PCDH7: variants seen among roughly 807,000 people sequenced by gnomAD.
PCDH7 encodes protocadherin-7.
PCDH7 carries 17 observed loss-of-function variants against 58.9 expected under a neutral mutation model. The ratio of observed to expected loss-of-function variants is 0.29; its 90% confidence interval spans 0.20 to 0.43. PCDH7 has a LOEUF of 0.43. PCDH7 is among the 20% of genes least tolerant of loss of function. The pLI is 1.00. For missense variants in PCDH7, 1,274 were observed against 1,441.0 expected (o/e 0.88, Z 1.88); for synonymous variants, 664 against 616.4 (o/e 1.08, Z -1.14).
At chr4:30,874,245 C>A (rs1438590510) in intron 1 of PCDH7, among the ~76,000 whole-genome samples, 1 of 151,856 alleles carries the variant, frequency 6.6e-6, no homozygotes, top group Non-Finnish European at 1.5e-5. Context: ...CACATGCACA[C>A]GTATGTTTAT....
intron 2 of PCDH7, among the ~76,000 whole-genome samples, chr4:30,927,881 T>C (rs1202891869): frequency 6.6e-6 from 1 of 152,196 alleles, no homozygotes; most frequent in African/African-American, 2.4e-5. Context: ...AAAAAAACCT[T>C]GTGCTGCTAA....
chr4:30,889,763 C>CCATCCT (rs902769997), intron 1 of PCDH7, among the ~76,000 whole-genome samples: 1 of 152,088 alleles, frequency 6.6e-6, no homozygotes, highest in Non-Finnish European at 1.5e-5. Flanking sequence ...GATGCTCAAC[C>CCATCCT]CATCCTCGTG....
chr4:30,977,505 C>T (rs1467340809), intron 3 of PCDH7, among the ~76,000 whole-genome samples: 1 of 152,114 alleles, frequency 6.6e-6, no homozygotes, highest in Non-Finnish European at 1.5e-5. Context: ...CTTCTTCCTT[C>T]TTCCCCTTTT....
At chr4:30,938,459 C>T (rs1303013131) in intron 2 of PCDH7, among the ~76,000 whole-genome samples, 2 of 147,868 alleles carry the variant, frequency 1.4e-5, no homozygotes, top group African/African-American at 5.1e-5. Flanking sequence ...GATGAACTGG[C>T]ACTGCTCACT....
chr4:30,845,233 G>A (rs983443325), intron 1 of PCDH7, among the ~76,000 whole-genome samples: 35 of 152,148 alleles, frequency 2.3e-4, no homozygotes, highest in Non-Finnish European at 1.2e-4. Flanking sequence ...ACATTAAAAG[G>A]ACATTGGTAT....
At chr4:30,857,141 A>T (rs557655677) in intron 1 of PCDH7, among the ~76,000 whole-genome samples, 2 of 152,064 alleles carry the variant, frequency 1.3e-5, no homozygotes, top group East Asian at 3.9e-4. Flanking sequence ...TCTTGTTTGA[A>T]TCTCATGGCA....
intron 1 of PCDH7, among the ~76,000 whole-genome samples, chr4:30,780,444 T>C (rs2109287992): frequency 6.6e-6 from 1 of 151,736 alleles, no homozygotes; most frequent in South Asian, 2.1e-4. Context: ...AAGACAGAAG[T>C]TGCAGTTAGC....
intron 3 of PCDH7, among the ~76,000 whole-genome samples, chr4:31,000,215 C>G (rs1205351584): frequency 6.6e-6 from 1 of 151,998 alleles, no homozygotes; most frequent in Non-Finnish European, 1.5e-5. Context: ...TTATGGAAAT[C>G]AGTAGTAGGG....
chr4:31,022,474 G>A (rs1754104639), intron 3 of PCDH7, among the ~76,000 whole-genome samples: 2 of 152,126 alleles, frequency 1.3e-5, no homozygotes, highest in South Asian at 4.1e-4. Flanking sequence ...TGGTGGGAAA[G>A]TAAAATACTT....
At chr4:30,885,816 C>T (rs1215205743) in intron 1 of PCDH7, among the ~76,000 whole-genome samples, 1 of 152,020 alleles carries the variant, frequency 6.6e-6, no homozygotes, top group Admixed American at 6.6e-5. Context: ...GAAATAATGC[C>T]ACATATCTAC....
At chr4:30,974,562 A>T (rs980007008) in intron 3 of PCDH7, among the ~76,000 whole-genome samples, 2 of 152,140 alleles carry the variant, frequency 1.3e-5, no homozygotes, top group Non-Finnish European at 2.9e-5. Flanking sequence ...AGAAACTACC[A>T]GTTGTGTGTT....
intron 3 of PCDH7, among the ~76,000 whole-genome samples, chr4:31,028,586 G>T (rs956402503): frequency 6.6e-5 from 10 of 151,134 alleles, no homozygotes; most frequent in African/African-American, 2.4e-4. Flanking sequence ...GATCACTTGA[G>T]ACCAGGAGTT....
chr4:30,912,685 G>A (rs561622065), intron 1 of PCDH7, among the ~76,000 whole-genome samples: 104 of 152,258 alleles, frequency 6.8e-4, no homozygotes, highest in African/African-American at 2.5e-3. Context: ...TATTCAATAA[G>A]GAAAGAGATT....
chr4:30,971,754 G>C (rs1005109543), intron 3 of PCDH7, among the ~76,000 whole-genome samples: 6 of 152,126 alleles, frequency 3.9e-5, no homozygotes, highest in African/African-American at 7.2e-5. Flanking sequence ...TCTAGTCCAG[G>C]AGTTCAAGAC....
At chr4:30,827,436 T>G (rs955603367) in intron 1 of PCDH7, among the ~76,000 whole-genome samples, 1 of 152,158 alleles carries the variant, frequency 6.6e-6, no homozygotes, top group African/African-American at 2.4e-5. Context: ...TACCAAAATA[T>G]TCACACATGA....
At chr4:30,902,145 T>C (rs551373363) in intron 1 of PCDH7, among the ~76,000 whole-genome samples, 1 of 152,302 alleles carries the variant, frequency 6.6e-6, no homozygotes, top group South Asian at 2.1e-4. Flanking sequence ...CTTTATCAAC[T>C]CAATTACTAA....
chr4:30,925,301 A>G (rs1004751554), intron 2 of PCDH7, among the ~76,000 whole-genome samples: 1 of 152,202 alleles, frequency 6.6e-6, no homozygotes, highest in African/African-American at 2.4e-5. Context: ...ATATCTTTGT[A>G]TGAGATAAAG....
In PCDH7 at chr4:30,902,092, G is replaced by C. The variant is rs531921802; in HGVS notation, c.71-18061G>C. Among the ~76,000 whole-genome samples, 9 of 152,264 alleles carry C rather than the reference G, an allele frequency of 5.9e-5. No homozygotes were observed. The East Asian group carries it at 1.5e-3, about 26-fold the overall frequency. ...TACCCATAGTACTACTGTGACAAAC[G>C]ATAAGTATTAGGGAATGTCACTATG... On this transcript the variant is annotated intron_variant, in intron 1 of 3. Coordinates refer to the PCDH7 transcript ENST00000509759.
At chr4:30,747,372 CA>C (rs1717921599) in intron 1 of PCDH7, among the ~76,000 whole-genome samples, 1 of 151,514 alleles carries the variant, frequency 6.6e-6, no homozygotes, top group Admixed American at 6.6e-5. Flanking sequence ...CCGAAAACAA[CA>C]AACTTTTTTA....
Sources: allele counts gnomAD v4.1 joint callset (sites outside exome capture counted in the v4.1 genomes callset), GRCh38; gene constraint gnomAD v4.1.1; transcripts MANE v1.5; gene names NCBI Gene and HGNC (gene_info 2026-07-23, HGNC 2026-07-21).